ARHGAP10: variants seen among roughly 807,000 people sequenced by gnomAD.
The protein encoded by ARHGAP10 is Rho GTPase activating protein 10, also known as rho GTPase-activating protein 10.
A neutral mutation model predicts 108.6 loss-of-function variants in ARHGAP10; 87 were observed. The observed-to-expected ratio is 0.80, with a 90% CI of 0.67 to 0.96. The LOEUF (loss-of-function observed/expected upper bound fraction) is 0.96, where lower values mean the gene tolerates loss of function less well. Ranked by LOEUF, ARHGAP10 falls within the 40% of genes least tolerant of loss-of-function variation. The probability of loss-of-function intolerance (pLI) is 0.00; values close to 1 mark genes in which losing one functional copy is unlikely to be tolerated. For missense variants in ARHGAP10, 939 were observed against 954.5 expected, an observed-to-expected ratio of 0.98 and a Z score of 0.21; for synonymous variants, 347 against 341.1, an observed-to-expected ratio of 1.02 and a Z score of -0.19.
At chr4:148,035,899 T>C (rs1223383656) in intron 19 of ARHGAP10, among the ~76,000 whole-genome samples, 1 of 152,218 alleles carries the variant, frequency 6.6e-6, no homozygotes, top group Non-Finnish European at 1.5e-5. Context: ...TACTACTCTA[T>C]GGACAGTAAA....
chr4:148,049,817 TTTG>T (rs1282020203), intron 20 of ARHGAP10, among the ~76,000 whole-genome samples: 2 of 131,162 alleles, frequency 1.5e-5, no homozygotes, highest in East Asian at 5.0e-4. Flanking sequence ...TGTTTGTTTG[TTTG>T]TTTTTTTTGG....
intron 16 of ARHGAP10, among the ~76,000 whole-genome samples, 196 bp downstream of exon 16, chr4:147,955,570 A>G (rs945780993): frequency 1.3e-5 from 2 of 152,154 alleles, no homozygotes. Flanking sequence ...ATTTATTCAC[A>G]TACATTAATT....
chr4:148,036,764 T>C (rs532353328), intron 19 of ARHGAP10, among the ~76,000 whole-genome samples: 10 of 152,140 alleles, frequency 6.6e-5, no homozygotes, highest in Non-Finnish European at 1.2e-4. Context: ...TTCTTTGGCT[T>C]GTTAGGGGTT....
At chr4:148,021,139 A>G (rs1267801088) in intron 18 of ARHGAP10, among the ~76,000 whole-genome samples, 1 of 152,036 alleles carries the variant, frequency 6.6e-6, no homozygotes, top group Admixed American at 6.6e-5. Flanking sequence ...CTGGAGACCA[A>G]CCCGGGTTGG....
chr4:147,978,124 T>TA (rs2149624744), intron 18 of ARHGAP10, among the ~76,000 whole-genome samples: 1 of 152,354 alleles, frequency 6.6e-6, no homozygotes, highest in South Asian at 2.1e-4. Context: ...GCGATTAACA[T>TA]ACAAGTACTG....
At chr4:148,039,946 C>T (rs1728559853) in intron 19 of ARHGAP10, among the ~76,000 whole-genome samples, 1 of 152,110 alleles carries the variant, frequency 6.6e-6, no homozygotes, top group Admixed American at 6.5e-5. Context: ...TCTGAGTTTT[C>T]TTATTCATTG....
At chr4:147,854,814 T>C in intron 4 of ARHGAP10, 4 of 985,452 alleles carry the variant, frequency 4.1e-6, no homozygotes, top group Non-Finnish European at 4.8e-6. Flanking sequence ...ATACCATATA[T>C]GGACGAAGAT....
chr4:147,973,412 A>C (rs1739483637), intron 18 of ARHGAP10, among the ~76,000 whole-genome samples: 1 of 152,070 alleles, frequency 6.6e-6, no homozygotes, highest in Non-Finnish European at 1.5e-5. Flanking sequence ...GTGGGTACAT[A>C]GTTGGTGTAT....
intron 18 of ARHGAP10, among the ~76,000 whole-genome samples, chr4:147,983,480 C>T (rs775753508): frequency 4.6e-5 from 7 of 151,594 alleles, no homozygotes; most frequent in African/African-American, 9.7e-5. Flanking sequence ...CCACTGCACT[C>T]GGCCTGTTCA....
At chr4:147,774,949 A>G (rs1241142037) in intron 1 of ARHGAP10, among the ~76,000 whole-genome samples, 1 of 146,046 alleles carries the variant, frequency 6.8e-6, no homozygotes, top group Non-Finnish European at 1.5e-5. Flanking sequence ...CCTTTTGTCC[A>G]GGTTGGAGTG....
intron 13 of ARHGAP10, among the ~76,000 whole-genome samples, chr4:147,913,971 G>A (rs545507801): frequency 6.6e-6 from 1 of 152,260 alleles, no homozygotes; most frequent in African/African-American, 2.4e-5. Flanking sequence ...TGGCGAACAT[G>A]GTGAAACCCC....
At chr4:148,060,344 AGTT>A (rs1729559040) in intron 20 of ARHGAP10, among the ~76,000 whole-genome samples, 7 of 120,836 alleles carry the variant, frequency 5.8e-5, no homozygotes, top group Non-Finnish European at 5.3e-5. Flanking sequence ...GCTCATGTTT[AGTT>A]TTTTTTTTTT....
intron 15 of ARHGAP10, among the ~76,000 whole-genome samples, chr4:147,953,744 T>G (rs564441624): frequency 6.6e-6 from 1 of 152,122 alleles, no homozygotes; most frequent in South Asian, 2.1e-4. Context: ...TGTTTTCGAT[T>G]TAATTGATTT....
Position 148,072,083 on chromosome 4 carries a change from T to A in ARHGAP10, c.*2T>A. Reference sequence around the variant, plus strand: ...CAGAACTACGTCAAGCTGCTGTAGCTCCTGGCCTCAGAGCCCCTGCTGACC... The same window carrying A: ...CAGAACTACGTCAAGCTGCTGTAGCACCTGGCCTCAGAGCCCCTGCTGACC... On this transcript the variant is annotated 3_prime_UTR_variant, in exon 23 of 23. Coordinates refer to ENST00000336498, the MANE Select transcript of ARHGAP10 (RefSeq NM_024605.4). The A allele has an allele frequency of 1.9e-6, 3 of 1,610,892 alleles. No homozygotes were observed. The highest frequency in any genetic ancestry group is 2.5e-6 in the Non-Finnish European group (3 of 1,178,886).
chr4:148,010,585 T>TATA (rs1741132257), intron 18 of ARHGAP10, among the ~76,000 whole-genome samples: 1 of 152,210 alleles, frequency 6.6e-6, no homozygotes, highest in Non-Finnish European at 1.5e-5. Context: ...TGAGACTAAG[T>TATA]TCCTTTATAT....
At chr4:147,863,224 C>T (rs1734402026) in intron 5 of ARHGAP10, 1 of 152,226 alleles carries the variant, frequency 6.6e-6, no homozygotes, top group African/African-American at 2.4e-5. Context: ...CAGACTGCAG[C>T]TCTGTACCTA....
chr4:147,911,992 C>G (rs1579191646), intron 12 of ARHGAP10, among the ~76,000 whole-genome samples: 1 of 116,756 alleles, frequency 8.6e-6, no homozygotes. Context: ...TAAGAACATT[C>G]ACGTGTGTGT....
chr4:147,814,771 T>C (rs1272244135), intron 1 of ARHGAP10, among the ~76,000 whole-genome samples: 1 of 152,212 alleles, frequency 6.6e-6, no homozygotes, highest in Non-Finnish European at 1.5e-5. Context: ...TAATTTCTTC[T>C]TTTTATAAGA....
chr4:148,011,323 G>T (rs756440316), intron 18 of ARHGAP10, among the ~76,000 whole-genome samples: 22 of 152,208 alleles, frequency 1.4e-4, no homozygotes, highest in Non-Finnish European at 1.2e-4. Flanking sequence ...TCTCCTTGAT[G>T]TCTAGAGCTT....
Sources: allele counts gnomAD v4.1 joint callset (sites outside exome capture counted in the v4.1 genomes callset), GRCh38; gene constraint gnomAD v4.1.1; transcripts MANE v1.5; gene names NCBI Gene and HGNC (gene_info 2026-07-23, HGNC 2026-07-21).